The following VDAC1 variants were observed in gnomAD, a reference collection of about 807,000 sequenced individuals.
VDAC1 encodes voltage dependent anion channel 1.
VDAC1 carries 10 observed loss-of-function variants against 34.7 expected under a neutral mutation model. The observed-to-expected ratio is 0.29, with a 90% CI of 0.18 to 0.49. The LOEUF (loss-of-function observed/expected upper bound fraction) is 0.49. Ranked by LOEUF, VDAC1 falls within the 20% of genes least tolerant of loss-of-function variation. The pLI is 0.99. For synonymous variants in VDAC1, 130 were observed against 136.0 expected, an observed-to-expected ratio of 0.96 and a Z score of 0.30; for missense variants, 230 against 347.9, an observed-to-expected ratio of 0.66 and a Z score of 2.69.
chr5:134,099,991 C>G, the VDAC1 span, among the ~76,000 whole-genome samples: 1 of 152,234 alleles, frequency 6.6e-6, no homozygotes, highest in East Asian at 1.9e-4. Flanking sequence ...ACAGCCTGGC[C>G]CCTTGGTTGG....
chr5:134,002,794 G>T (rs999922482), intron 1 of VDAC1, among the ~76,000 whole-genome samples: 1 of 151,984 alleles, frequency 6.6e-6, no homozygotes, highest in Admixed American at 6.6e-5. Flanking sequence ...GTGAAACCCC[G>T]ACTCTACTAA....
the VDAC1 span, among the ~76,000 whole-genome samples, chr5:134,114,308 C>G: frequency 6.6e-6 from 1 of 152,024 alleles, no homozygotes; most frequent in South Asian, 2.1e-4. Context: ...AAGCACAGGG[C>G]GCATTGGAGC....
chr5:134,107,459 A>G, the VDAC1 span, among the ~76,000 whole-genome samples: 3 of 152,172 alleles, frequency 2.0e-5, no homozygotes, highest in Non-Finnish European at 2.9e-5. Context: ...AGGCCCCTAC[A>G]TGGCCAGCCG....
the VDAC1 span, among the ~76,000 whole-genome samples, chr5:134,096,276 C>T: frequency 6.6e-6 from 1 of 152,258 alleles, no homozygotes; most frequent in African/African-American, 2.4e-5. Flanking sequence ...AGGAGTTGCG[C>T]TCCTCTCTCC....
At position 133,972,095 on chromosome 5, in the gene VDAC1, G is replaced by T. The variant is rs1039442559; in HGVS notation, c.*676C>A. The T allele has an allele frequency of 6.5e-6, 1 of 152,742 alleles. No individual in the cohort carries two copies. 9.5% of individuals were successfully genotyped at this position (152,742 alleles called of 1,614,324 possible). ...TAGATTCTGAGTGTTGTCACCATGT[G>T]ATTACAATCACACAGACACTTCCAA... On this transcript the variant is annotated 3_prime_UTR_variant, in exon 9 of 9. Coordinates refer to ENST00000265333, the MANE Select transcript of VDAC1 (RefSeq NM_003374.3).
the VDAC1 span, among the ~76,000 whole-genome samples, chr5:134,086,007 A>AT: frequency 6.6e-6 from 1 of 152,146 alleles, no homozygotes; most frequent in African/African-American, 2.4e-5. Flanking sequence ...ACCCTGGACA[A>AT]TATGGTGAAA....
At chr5:134,044,372 C>T in the VDAC1 span, among the ~76,000 whole-genome samples, 1 of 152,240 alleles carries the variant, frequency 6.6e-6, no homozygotes, top group African/African-American at 2.4e-5. Context: ...GTCCCCTCCC[C>T]ATCAATGGGA....
At chr5:134,080,829 T>C in the VDAC1 span, among the ~76,000 whole-genome samples, 2 of 152,178 alleles carry the variant, frequency 1.3e-5, no homozygotes, top group Non-Finnish European at 2.9e-5. Context: ...AGAGGTTTTT[T>C]CTCTAGATAT....
the VDAC1 span, among the ~76,000 whole-genome samples, chr5:134,053,515 G>A: frequency 6.6e-6 from 1 of 152,224 alleles, no homozygotes; most frequent in African/African-American, 2.4e-5. Context: ...AGGAAGCACT[G>A]AGCGCAGCCT....
At chr5:134,085,722 TAAAAAAAAAAAA>T in the VDAC1 span, among the ~76,000 whole-genome samples, 12 of 44,248 alleles carry the variant, frequency 2.7e-4, no homozygotes, top group East Asian at 1.3e-3. Context: ...ACCCCATTTC[TAAAAAAAAAAAA>T]AAAAAAAAAA....
At chr5:134,032,866 T>C in the VDAC1 span, among the ~76,000 whole-genome samples, 1 of 152,238 alleles carries the variant, frequency 6.6e-6, no homozygotes, top group Middle Eastern at 3.4e-3. Flanking sequence ...ACTCTTTCTC[T>C]ACAAAATAAA....
the VDAC1 span, among the ~76,000 whole-genome samples, chr5:134,061,457 A>C: frequency 6.6e-6 from 1 of 151,044 alleles, no homozygotes; most frequent in African/African-American, 2.4e-5. Flanking sequence ...CTGCTGCCTC[A>C]ACTTCCCAGA....
At chr5:134,114,503 A>G in the VDAC1 span, among the ~76,000 whole-genome samples, 3 of 151,986 alleles carry the variant, frequency 2.0e-5, no homozygotes, top group African/African-American at 7.2e-5. Flanking sequence ...GTTTCGGGAG[A>G]AGGGTGATCA....
the VDAC1 span, among the ~76,000 whole-genome samples, chr5:134,085,722 T>TAAAAAA: frequency 4.5e-3 from 199 of 44,242 alleles, 25 homozygotes; most frequent in Non-Finnish European, 5.5e-3. Flanking sequence ...ACCCCATTTC[T>TAAAAAA]AAAAAAAAAA....
At chr5:134,091,935 A>G in the VDAC1 span, among the ~76,000 whole-genome samples, 1 of 152,188 alleles carries the variant, frequency 6.6e-6, no homozygotes, top group African/African-American at 2.4e-5. Context: ...TGTGCTTGGT[A>G]AGTCAGATCC....
intron 6 of VDAC1, among the ~76,000 whole-genome samples, chr5:133,976,899 C>G (rs1310784789): frequency 6.6e-6 from 1 of 152,008 alleles, no homozygotes; most frequent in Non-Finnish European, 1.5e-5. Flanking sequence ...TAAAAATTAG[C>G]TGGGCATGGT....
At chr5:134,017,688 C>T in the VDAC1 span, among the ~76,000 whole-genome samples, 3 of 151,946 alleles carry the variant, frequency 2.0e-5, no homozygotes, top group East Asian at 1.9e-4. Context: ...CCGAGGTGGG[C>T]GGATCACGAG....
At chr5:133,975,751 G>A (rs1457848763) in intron 7 of VDAC1, 120 bp downstream of exon 7, 73 of 1,471,754 alleles carry the variant, frequency 5.0e-5, no homozygotes, top group African/African-American at 4.2e-5. Flanking sequence ...GAGTCACGGC[G>A]CCCAGCAGCA....
chr5:134,058,926 A>C, the VDAC1 span, among the ~76,000 whole-genome samples: 1 of 152,060 alleles, frequency 6.6e-6, no homozygotes, highest in Non-Finnish European at 1.5e-5. Context: ...GCCCAACTCC[A>C]CCCAGCCATC....
Sources: allele counts gnomAD v4.1 joint callset (sites outside exome capture counted in the v4.1 genomes callset), GRCh38; gene constraint gnomAD v4.1.1; transcripts MANE v1.5; gene names NCBI Gene and HGNC (gene_info 2026-07-23, HGNC 2026-07-21).